Variants in TKFC observed in about 807,000 individuals in gnomAD.
TKFC encodes triokinase/FMN cyclase.
In TKFC, 46 loss-of-function variants were observed where a neutral mutation model predicts 61.0. The ratio of observed to expected loss-of-function variants is 0.75; its 90% CI spans 0.60 to 0.96. The LOEUF is 0.96. Among genes scored for constraint, TKFC ranks in the 50% least tolerant of loss-of-function variants. The pLI is 0.00. For synonymous variants in TKFC, 314 were observed against 330.1 expected, an observed-to-expected ratio of 0.95 and a Z score of 0.53; for missense variants, 715 against 777.5, an observed-to-expected ratio of 0.92 and a Z score of 0.96.
chr11:61,342,910 T>A, intron 10 of TKFC, 66 bp downstream of exon 10: 2 of 1,512,382 alleles, frequency 1.3e-6, no homozygotes, highest in Non-Finnish European at 1.8e-6. Context: ...GGTCTTGTGA[T>A]GGCAGAGAAC....
rs1856744813 is a variant in TKFC at position 61,339,174 on chromosome 11, C to T, written c.302C>T (p.Thr101Ile). ...AAIRAVAQAGTVGTLLIVKNY... is the reference protein window; with the variant it reads ...AAIRAVAQAGIVGTLLIVKNY... ...ATCAGGGCCGTGGCCCAGGCCGGCA[C>T]AGGTAAGCCTGGCATGCAGGAGGGG... is the stretch of plus-strand genomic sequence containing the variant. The change falls in exon 4 of 18, where the codon ACA (threonine) becomes ATA (isoleucine). Residue 101 changes from threonine (T) to isoleucine (I), a missense_variant and splice_region_variant. Transcript: ENST00000394900. The T allele has an allele frequency of 6.2e-7, 1 of 1,613,402 alleles. No individual in the cohort carries two copies. Among genetic ancestry groups the T allele is most frequent in the African/African-American group, 1.3e-5 (1 of 74,942 alleles).
At position 61,343,875 on chromosome 11, in the gene TKFC, A is replaced by C; in HGVS notation, c.1002A>C (p.Ala334=). The change falls in exon 12 of 18, where the codon GCA becomes GCC. Residue 334 remains alanine (A), a synonymous_variant. Coordinates refer to ENST00000394900, the MANE Select transcript of TKFC (RefSeq NM_015533.4). ...CCTTAGATGCTGAAACCACTGCAGC[A>C]GCCTGGCCTAACGTGGCTGCAGTCT... ...LKLIDAETTA[A]AWPNVAAVSI... 6.2e-7 allele frequency: 1 copy of C among 1,610,350 alleles called. No individual in the cohort carries two copies. Among genetic ancestry groups the C allele is most frequent in the Non-Finnish European group, 8.5e-7 (1 of 1,179,898 alleles).
In TKFC at chr11:61,346,001, CCT is replaced by C; in HGVS notation, c.1575+56_1575+57del. 1.9e-6 allele frequency: 3 copies of C among 1,566,424 alleles called. No homozygotes were observed. Among genetic ancestry groups the C allele is most frequent in the Non-Finnish European group, 2.6e-6 (3 of 1,144,108 alleles). ...GAGACAGGCTTCTAGCCAGCAGACT[CCT>C]GTCTCCATGTGACCCTGAGCAAGTT... On this transcript the variant is annotated intron_variant, in intron 17 of 17. Coordinates refer to ENST00000394900, the MANE Select transcript of TKFC (RefSeq NM_015533.4). The surrounding 1 kb of genome is among the most constrained non-coding windows in gnomAD (Gnocchi z 4.1).
intron 2 of TKFC, among the ~76,000 whole-genome samples, chr11:61,337,514 G>A (rs1053029966): frequency 1.2e-4 from 19 of 152,152 alleles, no homozygotes; most frequent in African/African-American, 4.3e-4. Context: ...TGTTTGCCCC[G>A]CGTTGGAGCA....
rs950005484 is a variant in TKFC, at chr11:61,347,647, G to A, written c.*1144G>A. ...TGAGCAGGGGCACTGTATGCATGTG[G>A]AGACAAACAGCACATGCCTGGCACA... On this transcript the variant is annotated 3_prime_UTR_variant, in exon 18 of 18. Transcript: ENST00000394900. 1.0e-6 allele frequency: 1 copy of A among 985,324 alleles called. No homozygotes were observed. The highest frequency in any genetic ancestry group is 1.2e-6 in the Non-Finnish European group (1 of 829,960). The allele number at this position is 985,324 out of a possible 1,614,324, so 61.0% of individuals were successfully genotyped here.
At position 61,349,204 on chromosome 11, in the gene TKFC, A is replaced by T. The variant is rs183080147; in HGVS notation, c.*2701A>T. On this transcript the variant is annotated 3_prime_UTR_variant, in exon 18 of 18. Transcript: ENST00000394900. Reference sequence around the variant, plus strand: ...CTCCACCCTATTTCCTCCCCTGAAGAAGAGCAACAGCTCAAGCTCTAGCAT... The same window carrying T: ...CTCCACCCTATTTCCTCCCCTGAAGTAGAGCAACAGCTCAAGCTCTAGCAT... 1.2e-5 allele frequency: 3 copies of T among 260,056 alleles called. No homozygotes were observed. In the East Asian group the frequency reaches 2.4e-4, roughly 20 times the overall value. 16.1% of individuals were successfully genotyped at this position (260,056 alleles called of 1,614,324 possible). A position where few individuals can be genotyped will look rare whatever the true frequency, so the allele number is the denominator to read the frequency against.
Position 61,347,854 on chromosome 11 carries a change from A to ACC in TKFC, c.*1351_*1352insCC. On this transcript the variant is annotated 3_prime_UTR_variant, in exon 18 of 18. Coordinates refer to ENST00000394900, the MANE Select transcript of TKFC (RefSeq NM_015533.4). ...AAAGGATTCAAATGAATTGATGAAG[A>ACC]TGGGCCATAAAGCCCAGCACAGTCC... The ACC allele has an allele frequency of 8.2e-6, 8 of 979,758 alleles. No homozygotes were observed. Among genetic ancestry groups the ACC allele is most frequent in the Non-Finnish European group, 9.7e-6 (8 of 824,704 alleles). The allele number at this position is 979,758 out of a possible 1,614,324, so 60.7% of individuals were successfully genotyped here.
Position 61,347,894 on chromosome 11 carries a change from T to TG in TKFC, c.*1392dup. 1 of 985,436 alleles carries TG rather than the reference T, an allele frequency of 1.0e-6. No individual in the cohort carries two copies. Among genetic ancestry groups the TG allele is most frequent in the Non-Finnish European group, 1.2e-6 (1 of 829,930 alleles). The allele number at this position is 985,436 out of a possible 1,614,324, so 61.0% of individuals were successfully genotyped here. The stretch of plus-strand genomic sequence containing the variant: ...CAGCACAGTCCAAGTGCTCACTCAC[T>TG]GAGAGTTACGGTTATCACAGGGGTT... On this transcript the variant is annotated 3_prime_UTR_variant, in exon 18 of 18. Coordinates refer to ENST00000394900, the MANE Select transcript of TKFC (RefSeq NM_015533.4).
chr11:61,344,422 G>A (rs1857019235), intron 13 of TKFC, 149 bp downstream of exon 13: 1 of 1,165,156 alleles, frequency 8.6e-7, no homozygotes, highest in Non-Finnish European at 1.2e-6. Context: ...AGTATGCAAT[G>A]GTGTGATCTC....
At position 61,341,403 on chromosome 11, in the gene TKFC, C is replaced by T. The variant is rs754523252; in HGVS notation, c.487-33C>T. 4 of 1,550,454 alleles carry T rather than the reference C, an allele frequency of 2.6e-6. No individual in the cohort carries two copies. In the African/African-American group the frequency reaches 5.5e-5, roughly 21 times the overall value. ...CCCCACATGGTACAGTGATACCCTC[C>T]CCCCTGGGGCTTTTACCTCTTTGTG... On this transcript the variant is annotated intron_variant, in intron 5 of 17. Transcript: ENST00000394900.
intron 2 of TKFC, among the ~76,000 whole-genome samples, chr11:61,337,306 G>A (rs1192495484): frequency 6.6e-6 from 1 of 152,082 alleles, no homozygotes; most frequent in Non-Finnish European, 1.5e-5. Flanking sequence ...CACCATGCCT[G>A]GATCATTTTT....
rs1487942978 is a variant in TKFC, at chr11:61,339,188, A to G, written c.304+12A>G. The G allele has an allele frequency of 6.2e-7, 1 of 1,613,178 alleles. No homozygotes were observed. Among genetic ancestry groups the G allele is most frequent in the East Asian group, 2.2e-5 (1 of 44,860 alleles). ...CCAGGCCGGCACAGGTAAGCCTGGC[A>G]TGCAGGAGGGGCTGCGGCAGGGAGG... On this transcript the variant is annotated intron_variant, in intron 4 of 17. Transcript: ENST00000394900.
Position 61,347,826 on chromosome 11 carries a change from A to G in TKFC, c.*1323A>G, listed in dbSNP as rs1857214788. ...AGAATGGTACCCACCTCATGGGGAC[A>G]TGAAAGGATTCAAATGAATTGATGA... is the stretch of plus-strand genomic sequence containing the variant. On this transcript the variant is annotated 3_prime_UTR_variant, in exon 18 of 18. Transcript: ENST00000394900. 1.0e-6 allele frequency: 1 copy of G among 978,176 alleles called. No individual in the cohort carries two copies. The allele number at this position is 978,176 out of a possible 1,614,324, so 60.6% of individuals were successfully genotyped here. A position where few individuals can be genotyped will look rare whatever the true frequency, so the allele number is the denominator to read the frequency against.
rs775413173 is a variant in TKFC at position 61,343,354 on chromosome 11, T to C, written c.878T>C (p.Val293Ala). Residue 293 changes from valine (V) to alanine (A), a missense_variant, in exon 11 of 18, where the codon GTG (valine) becomes GCG (alanine). Physicochemically the swap from Val to Ala is moderately conservative, Grantham distance 64. Transcript: ENST00000394900. ...ATVRSLEGRG[V>A]KIARALVGTF... The stretch of plus-strand genomic sequence containing the variant: ...TCTGGTATTGCAGAGGGCCGCGGGG[T>C]GAAGATTGCCCGTGCCCTGGTGGGC... 10 of 1,614,070 alleles carry C rather than the reference T, an allele frequency of 6.2e-6. No homozygotes were observed. In the Admixed American group the frequency reaches 1.7e-4, roughly 27 times the overall value.
downstream of TKFC, chr11:61,349,894 C>T: frequency 1.9e-6 from 1 of 528,664 alleles, no homozygotes; most frequent in East Asian, 3.3e-5. Context: ...AGTGGACGGA[C>T]ACCTCACCTC....
At position 61,343,408 on chromosome 11, in the gene TKFC, G is replaced by A. The variant is rs1171632495; in HGVS notation, c.932G>A (p.Gly311Asp). The change falls in exon 11 of 18, where the codon GGC (glycine) becomes GAC (aspartate). Residue 311 changes from glycine (G) to aspartate (D), a missense_variant. Transcript: ENST00000394900. Reference sequence around the variant, plus strand: ...TTCATGTCAGCACTGGAGATGCCTGGCATTTCTCTCACCCTCCTGCTGGTG... The same window carrying A: ...TTCATGTCAGCACTGGAGATGCCTGACATTTCTCTCACCCTCCTGCTGGTG... ...GTFMSALEMPGISLTLLLVDE... is the reference protein window; with the variant it reads ...GTFMSALEMPDISLTLLLVDE... 4 of 1,614,046 alleles carry A rather than the reference G, an allele frequency of 2.5e-6. No individual in the cohort carries two copies. In the African/African-American group the frequency reaches 4.0e-5, roughly 16 times the overall value.
At chr11:61,349,530 G>T, downstream of TKFC, 1 of 702,878 alleles carries the variant, frequency 1.4e-6, no homozygotes, top group South Asian at 1.5e-5. Context: ...GACATCTGGG[G>T]ACAGGCTCTG....
At chr11:61,352,886 C>A, downstream of TKFC, 1 of 1,587,346 alleles carries the variant, frequency 6.3e-7, no homozygotes, top group Non-Finnish European at 8.6e-7. Flanking sequence ...ACCCCAAAAT[C>A]TCTCCTCCCT....
downstream of TKFC, chr11:61,352,691 C>A: frequency 1.3e-6 from 1 of 744,054 alleles, no homozygotes; most frequent in Non-Finnish European, 1.9e-6. Context: ...ATGGCAATGA[C>A]AACAATACCA....
Sources: allele counts gnomAD v4.1 joint callset (sites outside exome capture counted in the v4.1 genomes callset), GRCh38; gene constraint gnomAD v4.1.1; non-coding constraint Gnocchi (gnomAD v3.1); transcripts MANE v1.5; gene names NCBI Gene and HGNC (gene_info 2026-07-23, HGNC 2026-07-21).